Variants in HSPH1 observed in about 807,000 individuals in gnomAD.
The protein encoded by HSPH1 is heat shock protein family H (Hsp110) member 1.
In HSPH1, 40 loss-of-function variants were observed where a neutral mutation model predicts 100.0. The ratio of observed to expected loss-of-function variants is 0.40; its 90% CI spans 0.31 to 0.52. The LOEUF is 0.52. Ranked by LOEUF, HSPH1 falls within the 20% of genes least tolerant of loss-of-function variation. The pLI is 0.54. For synonymous variants in HSPH1, 403 were observed against 344.0 expected, an observed-to-expected ratio of 1.17 and a Z score of -1.90; for missense variants, 876 against 1,015.1, an observed-to-expected ratio of 0.86 and a Z score of 1.86.
intron 11 of HSPH1, among the ~76,000 whole-genome samples, 174 bp downstream of exon 11, chr13:31,145,389 A>C (rs1025222634): frequency 6.6e-6 from 1 of 152,136 alleles, no homozygotes; most frequent in African/African-American, 2.4e-5. Flanking sequence ...CAATTCACCA[A>C]ATTTCAAGCT....
At chr13:31,152,794 T>C (rs1261172902) in intron 5 of HSPH1, 58 bp downstream of exon 5, 1 of 1,170,722 alleles carries the variant, frequency 8.5e-7, no homozygotes, top group African/African-American at 1.5e-5. Flanking sequence ...GTAATAGCAC[T>C]GAGAACATCT....
chr13:31,162,333 G>C (rs556254421), upstream of HSPH1: 644 of 577,964 alleles, frequency 1.1e-3, 3 homozygotes, highest in Middle Eastern at 3.3e-3. Context: ...TGGTGGGGAG[G>C]CCGGCCAGCT....
intron 1 of HSPH1, among the ~76,000 whole-genome samples, chr13:31,160,414 T>C (rs1257838891): frequency 1.3e-4 from 20 of 152,232 alleles, no homozygotes; most frequent in Non-Finnish European, 2.6e-4. Context: ...ATAATTGTAT[T>C]ACCCCAGTCA....
At chr13:31,159,906 G>A (rs1956834660) in intron 1 of HSPH1, among the ~76,000 whole-genome samples, 1 of 152,156 alleles carries the variant, frequency 6.6e-6, no homozygotes, top group Non-Finnish European at 1.5e-5. Flanking sequence ...GAGCATCACT[G>A]TAAGCTCTGA....
intron 11 of HSPH1, among the ~76,000 whole-genome samples, chr13:31,144,346 A>G (rs192023015): frequency 3.3e-5 from 5 of 152,178 alleles, no homozygotes; most frequent in Admixed American, 3.3e-4. Context: ...CTCCATTTCA[A>G]TTTACTAAAC....
chr13:31,159,018 A>AG (rs1403007468), intron 1 of HSPH1, among the ~76,000 whole-genome samples, 155 bp from the exon 2 acceptor site: 1 of 152,232 alleles, frequency 6.6e-6, no homozygotes, highest in Non-Finnish European at 1.5e-5. Flanking sequence ...AGATACTCAA[A>AG]GGGGGCTTCC....
intron 10 of HSPH1, 116 bp downstream of exon 10, chr13:31,147,843 C>A (rs1014917666): frequency 4.8e-6 from 4 of 839,298 alleles, no homozygotes; most frequent in Middle Eastern, 3.5e-4. Context: ...TGTCTTCACA[C>A]AGAATTATGT....
Position 31,135,928 on chromosome 13 carries a change from C to G in HSPH1, c.*1390G>C, listed in dbSNP as rs1489695930. 6.6e-6 allele frequency: 1 copy of G among 151,946 alleles called. No individual in the cohort carries two copies. The highest frequency in any genetic ancestry group is 2.4e-5 in the African/African-American group (1 of 41,342). The allele number at this position is 151,946 out of a possible 1,614,324, so 9.4% of individuals were successfully genotyped here. A position where few individuals can be genotyped will look rare whatever the true frequency, so the allele number is the denominator to read the frequency against. On this transcript the variant is annotated 3_prime_UTR_variant, in exon 18 of 18. Transcript: ENST00000320027. ...TGGCTCACACCATGTAATCCCAGCACTTTGGGAGGCTGAGGCAGACAGATT... is the reference window on the plus strand; with the variant it reads ...TGGCTCACACCATGTAATCCCAGCAGTTTGGGAGGCTGAGGCAGACAGATT...
rs1221025443 is a variant in HSPH1 at position 31,135,268 on chromosome 13, C to T, written c.*2050G>A. The T allele has an allele frequency of 1.3e-5, 2 of 151,178 alleles. No homozygotes were observed. Among genetic ancestry groups the T allele is most frequent in the African/African-American group, 4.9e-5 (2 of 40,438 alleles). 9.4% of individuals were successfully genotyped at this position (151,178 alleles called of 1,614,324 possible). A position where few individuals can be genotyped will look rare whatever the true frequency, so the allele number is the denominator to read the frequency against. ...TTCTATTTTAGGACAGGAGGAAAAA[C>T]ATGTTTTCCCATTCACAGTTTTTAA... is the stretch of plus-strand genomic sequence containing the variant. On this transcript the variant is annotated 3_prime_UTR_variant, in exon 18 of 18. Transcript: ENST00000320027.
Position 31,157,532 on chromosome 13 carries a change from T to G in HSPH1, c.165+1274A>C, listed in dbSNP as rs377317002. Reference sequence around the variant, plus strand: ...TAAACATAAGCATTTTAAGAGATGTTTTTGTTTTCAAATCTGACCTGATTT... The same window carrying G: ...TAAACATAAGCATTTTAAGAGATGTGTTTGTTTTCAAATCTGACCTGATTT... On this transcript the variant is annotated intron_variant, in intron 2 of 17. Coordinates refer to ENST00000320027, the MANE Select transcript of HSPH1 (RefSeq NM_006644.4). 7.9e-4 allele frequency among the ~76,000 whole-genome samples: 121 copies of G among 152,346 alleles called. 2 individuals carry two copies. In the East Asian group the frequency reaches 8.3e-3, roughly 10 times the overall value.
At chr13:31,141,297 C>CA in intron 12 of HSPH1, 38 bp from the exon 13 acceptor site, 1 of 1,545,544 alleles carries the variant, frequency 6.5e-7, no homozygotes, top group South Asian at 1.3e-5. Context: ...AAATTTTAAA[C>CA]AACCCACTTG....
At position 31,155,666 on chromosome 13, in the gene HSPH1, A is replaced by C; in HGVS notation, c.166-12T>G. ...GCATGAGTGATTTGCTGCAAAAAGA[A>C]GTTTGAGATTTTAATTTTTTTCTTT... is the stretch of plus-strand genomic sequence containing the variant. On this transcript the variant is annotated splice_polypyrimidine_tract_variant and intron_variant, in intron 2 of 17. Transcript: ENST00000320027. 1 of 1,569,260 alleles carries C rather than the reference A, an allele frequency of 6.4e-7. No individual in the cohort carries two copies. The highest frequency in any genetic ancestry group is 8.6e-7 in the Non-Finnish European group (1 of 1,161,204).
intron 1 of HSPH1, among the ~76,000 whole-genome samples, chr13:31,159,940 A>T (rs1956835869): frequency 6.6e-6 from 1 of 151,932 alleles, no homozygotes; most frequent in South Asian, 2.1e-4. Flanking sequence ...TGCAGAATGG[A>T]TCTACTCATT....
At chr13:31,141,782 T>A (rs539255351) in intron 12 of HSPH1, among the ~76,000 whole-genome samples, 2 of 136,356 alleles carry the variant, frequency 1.5e-5, no homozygotes, top group African/African-American at 5.6e-5. Flanking sequence ...TACATATATA[T>A]ATACTCCATA....
intron 4 of HSPH1, 23 bp downstream of exon 4, chr13:31,154,610 C>T (rs772577572): frequency 6.2e-7 from 1 of 1,613,770 alleles, no homozygotes. Context: ...ATAAAACACA[C>T]TGCCTTGCTG....
intron 12 of HSPH1, 101 bp downstream of exon 12, chr13:31,143,691 A>C (rs1002214293): frequency 3.8e-6 from 4 of 1,056,500 alleles, no homozygotes; most frequent in Non-Finnish European, 5.2e-6. Flanking sequence ...ACACAGAACG[A>C]AATCAATTGG....
rs1955851106 is a variant in HSPH1, at chr13:31,135,028, TGAA to T, written c.*2287_*2289del. Reference sequence around the variant, plus strand: ...ATTGTCACAAAATGACAATTTAAAATGAATTGTAAAATTTAATCTTTAAACAGC... The same window carrying T: ...ATTGTCACAAAATGACAATTTAAAATTTGTAAAATTTAATCTTTAAACAGC... On this transcript the variant is annotated 3_prime_UTR_variant, in exon 18 of 18. Coordinates refer to ENST00000320027, the MANE Select transcript of HSPH1 (RefSeq NM_006644.4). 1 of 152,236 alleles carries T rather than the reference TGAA, an allele frequency of 6.6e-6. No homozygotes were observed. Among genetic ancestry groups the T allele is most frequent in the African/African-American group, 2.4e-5 (1 of 41,468 alleles). 9.4% of individuals were successfully genotyped at this position (152,236 alleles called of 1,614,324 possible). A position where few individuals can be genotyped will look rare whatever the true frequency, so the allele number is the denominator to read the frequency against.
At position 31,161,540 on chromosome 13, in the gene HSPH1, T is replaced by C; in HGVS notation, c.43A>G (p.Ile15Val). ...ATGCCCCCGGCCCGGGCTACCGCGA[T>C]GTAGCAGCTCTGCGAGCCCACGTCC... ...GLDVGSQSCYIAVARAGGIET... is the reference protein window; with the variant it reads ...GLDVGSQSCYVAVARAGGIET... Residue 15 changes from isoleucine (I) to valine (V), a missense_variant, in exon 1 of 18, where the codon ATC becomes GTC. Transcript: ENST00000320027. 1 of 1,613,956 alleles carries C rather than the reference T, an allele frequency of 6.2e-7. No homozygotes were observed. Among genetic ancestry groups the C allele is most frequent in the South Asian group, 1.1e-5 (1 of 91,084 alleles).
Position 31,137,112 on chromosome 13 carries a change from A to T in HSPH1, c.*206T>A. On this transcript the variant is annotated 3_prime_UTR_variant, in exon 18 of 18. Transcript: ENST00000320027. The stretch of plus-strand genomic sequence containing the variant: ...GCTTAGTATGAATTCACAATTCCAC[A>T]GGAATCTGAAAGTTACCAAGGCAAT... 1.4e-6 allele frequency: 1 copy of T among 724,496 alleles called. No individual in the cohort carries two copies. Among genetic ancestry groups the T allele is most frequent in the South Asian group, 1.4e-5 (1 of 71,208 alleles). 44.9% of individuals were successfully genotyped at this position (724,496 alleles called of 1,614,324 possible).
Sources: gnomAD v4.1 joint callset for allele counts (sites outside exome capture counted in the v4.1 genomes callset) on GRCh38, gnomAD v4.1.1 for gene constraint, MANE v1.5 for transcripts, NCBI Gene and HGNC (gene_info 2026-07-23, HGNC 2026-07-21) for gene names.